RPL7: variants seen among roughly 807,000 people sequenced by gnomAD.
RPL7 encodes large ribosomal subunit protein uL30.
For missense variants in RPL7, 205 were observed against 301.9 expected (o/e 0.68, Z 2.38); for synonymous variants, 100 against 102.2 (o/e 0.98, Z 0.13).
At chr8:73,292,079 A>G (rs1814110565) in intron 3 of RPL7, among the ~76,000 whole-genome samples, 160 bp downstream of exon 3, 1 of 152,164 alleles carries the variant, frequency 6.6e-6, no homozygotes, top group African/African-American at 2.4e-5. Context: ...CTTGGGGAAC[A>G]TGGCTTGCAA....
rs1331719247 is a variant in RPL7, at chr8:73,292,808, T to C, written c.15-11A>G. The C allele has an allele frequency of 3.2e-6, 5 of 1,587,098 alleles. No homozygotes were observed. Among genetic ancestry groups the C allele is most frequent in the South Asian group, 1.1e-5 (1 of 89,016 alleles). On this transcript the variant is annotated splice_polypyrimidine_tract_variant and intron_variant, in intron 1 of 6. Coordinates refer to ENST00000352983, the MANE Select transcript of RPL7 (RefSeq NM_000971.4). ...TCCTTCTTCTTCTCTCTAACGTTAATAAACAAAAATGTTATCAATAGCTCA... is the reference window on the plus strand; with the variant it reads ...TCCTTCTTCTTCTCTCTAACGTTAACAAACAAAAATGTTATCAATAGCTCA...
chr8:73,292,005 CAGAT>C (rs1233423569), intron 3 of RPL7, 95 bp from the exon 4 acceptor site: 16 of 1,437,550 alleles, frequency 1.1e-5, no homozygotes, highest in Non-Finnish European at 1.5e-5. Flanking sequence ...CCTACCTAAA[CAGAT>C]AGGAATCCTC....
intron 5 of RPL7, 61 bp downstream of exon 5, chr8:73,291,491 A>T (rs1176917825): frequency 1.6e-6 from 2 of 1,234,328 alleles, no homozygotes; most frequent in South Asian, 1.3e-5. Flanking sequence ...ATGTACGGCC[A>T]CAAGAGGGTA....
At chr8:73,290,967 A>C in intron 6 of RPL7, 76 bp downstream of exon 6, 1 of 1,133,366 alleles carries the variant, frequency 8.8e-7, no homozygotes, top group Non-Finnish European at 1.3e-6. Context: ...TCAATATTTA[A>C]TGGGAAAAGT....
intron 1 of RPL7, chr8:73,293,261 G>C: frequency 3.5e-6 from 1 of 286,896 alleles, no homozygotes; most frequent in Non-Finnish European, 6.6e-6. Context: ...TGGCGGCAGG[G>C]AGGCCTGTAC....
In RPL7 at chr8:73,291,081, T is replaced by C. The variant is rs780143811; in HGVS notation, c.710A>G (p.Glu237Gly). The C allele has an allele frequency of 6.2e-7, 1 of 1,610,644 alleles. No homozygotes were observed. The highest frequency in any genetic ancestry group is 8.5e-7 in the Non-Finnish European group (1 of 1,178,354). The change falls in exon 6 of 7, where the codon GAG becomes GGG. Residue 237 changes from glutamate to glycine, a missense_variant. Transcript: ENST00000352983. The part of the protein sequence containing the change: ...FVEGGDAGNR[E>G]DQINRLIRRM... ...TCTAATAAGCCTGTTGATCTGGTCC[T>C]CCCTGTTGCCAGCATCTCCACCTTC...
upstream of RPL7, chr8:73,293,929 T>G: frequency 3.0e-6 from 1 of 338,980 alleles, no homozygotes; most frequent in Non-Finnish European, 5.7e-6. Context: ...TTCCTCCCCA[T>G]AATGTTCCCA....
At chr8:73,293,688 C>A (rs918644824), upstream of RPL7, 12 of 1,569,296 alleles carry the variant, frequency 7.6e-6, no homozygotes, top group Non-Finnish European at 1.0e-5. Flanking sequence ...AGCCCCACGA[C>A]TCATAGGTGT....
In RPL7 at chr8:73,291,815, G is replaced by A. The variant is rs1488121929; in HGVS notation, c.386C>T (p.Ser129Leu). 30 of 1,611,360 alleles carry A rather than the reference G, an allele frequency of 1.9e-5. No individual in the cohort carries two copies. The highest frequency in any genetic ancestry group is 2.2e-5 in the East Asian group (1 of 44,782). ...NGTFVKLNKA[S>L]INMLRIVEPY... ...CTCTACAATCCTCAGCATGTTAATC[G>A]AAGCCTTGTTGAGCTTCACAAAGGT... The change falls in exon 4 of 7, where the codon TCG becomes TTG. Residue 129 changes from serine to leucine, a missense_variant. Transcript: ENST00000352983.
chr8:73,293,494 G>A, intron 1 of RPL7, 105 bp downstream of exon 1: 3 of 1,382,686 alleles, frequency 2.2e-6, no homozygotes, highest in South Asian at 1.2e-5. Flanking sequence ...CAAGCAGGGA[G>A]GTGGGCAAAG....
intron 3 of RPL7, 112 bp from the exon 4 acceptor site, chr8:73,292,022 A>G (rs1814108860): frequency 7.3e-7 from 1 of 1,369,940 alleles, no homozygotes; most frequent in Non-Finnish European, 1.0e-6. Context: ...GAATCCTCTC[A>G]TGTTACACAC....
At position 73,292,772 on chromosome 8, in the gene RPL7, C is replaced by T. The variant is rs746127555; in HGVS notation, c.40G>A (p.Val14Met). ...VEEKKKEVPA[V>M]PETLKKKRRN... Reference sequence around the variant, plus strand: ...CGCTTTTTCTTAAGGGTTTCTGGCACAGCAGGAACCTCCTTCTTCTTCTCT... The same window carrying T: ...CGCTTTTTCTTAAGGGTTTCTGGCATAGCAGGAACCTCCTTCTTCTTCTCT... Residue 14 changes from valine to methionine, a missense_variant, in exon 2 of 7, where the codon GTG becomes ATG. Physicochemically the swap from Val to Met is conservative, Grantham distance 21. Coordinates refer to ENST00000352983, the MANE Select transcript of RPL7 (RefSeq NM_000971.4). 4 of 1,612,160 alleles carry T rather than the reference C, an allele frequency of 2.5e-6. No individual in the cohort carries two copies. The highest frequency in any genetic ancestry group is 1.1e-5 in the South Asian group (1 of 90,664).
At chr8:73,292,625 C>T in intron 2 of RPL7, 64 bp downstream of exon 2, 1 of 1,239,688 alleles carries the variant, frequency 8.1e-7, no homozygotes, top group Non-Finnish European at 1.2e-6. Context: ...CAAGAACATT[C>T]ACCTCATCCT....
chr8:73,292,321 G>T lies in RPL7; in HGVS notation c.208C>A (p.Arg70=). 3.7e-6 allele frequency: 6 copies of T among 1,608,494 alleles called. No homozygotes were observed. The highest frequency in any genetic ancestry group is 5.1e-6 in the Non-Finnish European group (6 of 1,178,420). The part of the protein sequence containing the change: ...EYRQMYRTEI[R]MARMARKAGN... ...GCTTTTCTTGCCATCCTCGCCATTC[G>T]AATTTCAGTTCTGTACATCTGCCTA... Residue 70 remains arginine, a synonymous_variant, in exon 3 of 7, where the codon CGA becomes AGA. Coordinates refer to ENST00000352983, the MANE Select transcript of RPL7 (RefSeq NM_000971.4).
intron 4 of RPL7, 49 bp downstream of exon 4, chr8:73,291,724 C>G: frequency 1.3e-6 from 2 of 1,591,028 alleles, no homozygotes; most frequent in Non-Finnish European, 1.7e-6. Context: ...ATTCATGTTG[C>G]TACATAACCA....
At chr8:73,292,493 C>T in intron 2 of RPL7, 88 bp from the exon 3 acceptor site, 2 of 1,292,868 alleles carry the variant, frequency 1.5e-6, no homozygotes, top group East Asian at 4.7e-5. Flanking sequence ...CAACATGTTT[C>T]CTTTAAATCT....
chr8:73,291,605 A>C lies in RPL7; in HGVS notation c.485T>G (p.Ile162Ser), dbSNP rs772354686. The C allele has an allele frequency of 1.9e-6, 3 of 1,599,952 alleles. No individual in the cohort carries two copies. The highest frequency in any genetic ancestry group is 2.6e-6 in the Non-Finnish European group (3 of 1,168,490). Reference sequence around the variant, plus strand: ...TGTCAAAGCAATTCGCTTCTTATTGATTTTGCCATAACCACGCTTGTAGAT... The same window carrying C: ...TGTCAAAGCAATTCGCTTCTTATTGCTTTTGCCATAACCACGCTTGTAGAT... Reference protein sequence around the residue: ...ELIYKRGYGKINKKRIALTDN... With the variant: ...ELIYKRGYGKSNKKRIALTDN... The change falls in exon 5 of 7, where the codon ATC (isoleucine) becomes AGC (serine). Residue 162 changes from isoleucine to serine, a missense_variant. Coordinates refer to ENST00000352983, the MANE Select transcript of RPL7 (RefSeq NM_000971.4).
intron 2 of RPL7, 61 bp from the exon 3 acceptor site, chr8:73,292,466 C>T (rs2130342392): frequency 2.8e-6 from 4 of 1,437,382 alleles, no homozygotes; most frequent in Non-Finnish European, 3.8e-6. Context: ...CAATGCCAAT[C>T]ATTAAAAAGA....
At chr8:73,292,998 C>T (rs1278605128) in intron 1 of RPL7, 3 of 422,080 alleles carry the variant, frequency 7.1e-6, no homozygotes. Context: ...TTGCCTAAAA[C>T]GCAATCACAA....
Sources: allele counts gnomAD v4.1 joint callset (sites outside exome capture counted in the v4.1 genomes callset), GRCh38; gene constraint gnomAD v4.1.1; transcripts MANE v1.5; gene names NCBI Gene and HGNC (gene_info 2026-07-23, HGNC 2026-07-21).